The following LPCAT1 variants were observed in gnomAD, a reference collection of about 807,000 sequenced individuals.
LPCAT1 encodes the protein 1-acylglycerol-3-phosphate O-acyltransferase.
Under a neutral mutation model 60.9 loss-of-function variants are expected in LPCAT1, and 23 were observed. The ratio of observed to expected loss-of-function variants is 0.38; its 90% confidence interval spans 0.27 to 0.53. The LOEUF (loss-of-function observed/expected upper bound fraction) is 0.53, where lower values mean the gene tolerates loss of function less well. Ranked by LOEUF, LPCAT1 falls within the 20% of genes least tolerant of loss-of-function variation. LPCAT1 has a pLI of 0.82. For missense variants in LPCAT1, 622 were observed against 723.6 expected, an observed-to-expected ratio of 0.86 and a Z score of 1.61; for synonymous variants, 340 against 301.1, an observed-to-expected ratio of 1.13 and a Z score of -1.34.
In LPCAT1 at chr5:1,495,410, C is replaced by T. The variant is rs764549303; in HGVS notation, c.279-496G>A. On this transcript the variant is annotated intron_variant, in intron 2 of 13. Coordinates refer to ENST00000283415, the MANE Select transcript of LPCAT1 (RefSeq NM_024830.5). This position sits in a 1 kb window ranked among gnomAD's most constrained non-coding sequence, Gnocchi z 4.7. The stretch of plus-strand genomic sequence containing the variant: ...CCCCATCTCATCTCCACAGGAAGCC[C>T]GGGGTTCCCACAACCAGGCGTTGTG... Among the ~76,000 whole-genome samples the T allele has an allele frequency of 2.0e-5, 3 of 152,030 alleles. No individual in the cohort carries two copies. The highest frequency in any genetic ancestry group is 1.9e-4 in the East Asian group (1 of 5,192).
rs998342410 is a variant in LPCAT1, at chr5:1,523,410, G to A, written c.135+300C>T. The stretch of plus-strand genomic sequence containing the variant: ...GGTTGTGGGCCCGGTTCAGGGTGCA[G>A]GGGTCTGGGGGGAGGAGCAGAACGC... On this transcript the variant is annotated intron_variant, in intron 1 of 13. Transcript: ENST00000283415. This position sits in a 1 kb window ranked among gnomAD's most constrained non-coding sequence, Gnocchi z 7.1. Among the ~76,000 whole-genome samples, 3 of 151,784 alleles carry A rather than the reference G, an allele frequency of 2.0e-5. No individual in the cohort carries two copies. Among genetic ancestry groups the A allele is most frequent in the Admixed American group, 6.6e-5 (1 of 15,228 alleles).
At position 1,476,655 on chromosome 5, in the gene LPCAT1, G is replaced by T. The variant is rs1734931613; in HGVS notation, c.899+749C>A. Among the ~76,000 whole-genome samples the T allele has an allele frequency of 6.6e-6, 1 of 152,172 alleles. No homozygotes were observed. Among genetic ancestry groups the T allele is most frequent in the Admixed American group, 6.5e-5 (1 of 15,280 alleles). On this transcript the variant is annotated intron_variant, in intron 9 of 13. Transcript: ENST00000283415. This position sits in a 1 kb window ranked among gnomAD's most constrained non-coding sequence, Gnocchi z 8.6. ...GGTCTGGCAGCCGCCCGGTGGAGGG[G>T]AGGCTCTAGCTCCACTGGACAGAGC...
chr5:1,483,962 G>C lies in LPCAT1; in HGVS notation c.668-476C>G, dbSNP rs1434340105. 1.3e-5 allele frequency among the ~76,000 whole-genome samples: 2 copies of C among 151,972 alleles called. No homozygotes were observed. The highest frequency in any genetic ancestry group is 2.9e-5 in the Non-Finnish European group (2 of 67,950). ...CGCACCAGCTGGAAGGCGTTGGTGG[G>C]AAGTGGGGGTCCTCATCACCGGCCA... On this transcript the variant is annotated intron_variant, in intron 5 of 13. Coordinates refer to ENST00000283415, the MANE Select transcript of LPCAT1 (RefSeq NM_024830.5). The surrounding 1 kb of genome is among the most constrained non-coding windows in gnomAD (Gnocchi z 9.2).
intron 1 of LPCAT1, among the ~76,000 whole-genome samples, chr5:1,517,906 G>A (rs1019208686): frequency 2.0e-5 from 3 of 152,262 alleles, no homozygotes; most frequent in African/African-American, 7.2e-5. Context: ...CGAGGTCGGA[G>A]GGCTCAGGAG....
In LPCAT1 at chr5:1,463,817, G is replaced by C. The variant is rs144081179; in HGVS notation, c.1439C>G (p.Ala480Gly). 9.1e-4 allele frequency: 1,469 copies of C among 1,614,172 alleles called. No homozygotes were observed. Among genetic ancestry groups the C allele is most frequent in the Admixed American group, 1.4e-3 (85 of 60,018 alleles). The part of the protein sequence containing the change: ...KITFADFHRF[A>G]EMYPAFAEEY... Reference sequence around the variant, plus strand: ...CTCTGCGAAGGCAGGGTACATTTCTGCAAACCTGTGGAAGTCAGCTGGAAA... The same window carrying C: ...CTCTGCGAAGGCAGGGTACATTTCTCCAAACCTGTGGAAGTCAGCTGGAAA... Residue 480 changes from alanine (A) to glycine (G), a missense_variant, in exon 14 of 14, where the codon GCA becomes GGA. Physicochemically the swap from Ala to Gly is moderately conservative, Grantham distance 60. Transcript: ENST00000283415.
chr5:1,463,802 G>A lies in LPCAT1; in HGVS notation c.1454C>T (p.Ala485Val), dbSNP rs749688837. The change falls in exon 14 of 14, where the codon GCC (alanine) becomes GTC (valine). Residue 485 changes from alanine to valine, a missense_variant. This residue lies in a region of LPCAT1 where 288 missense variants were observed against 283.6 expected (regional missense o/e 1.02). Transcript: ENST00000283415. The stretch of plus-strand genomic sequence containing the variant: ...CGGGTACAGGTATTCCTCTGCGAAG[G>A]CAGGGTACATTTCTGCAAACCTGTG... ...DFHRFAEMYP[A>V]FAEEYLYPDQ... 2 of 1,614,246 alleles carry A rather than the reference G, an allele frequency of 1.2e-6. No individual in the cohort carries two copies. Among genetic ancestry groups the A allele is most frequent in the Non-Finnish European group, 8.5e-7 (1 of 1,180,040 alleles).
At chr5:1,512,095 A>G (rs758585059) in intron 1 of LPCAT1, among the ~76,000 whole-genome samples, 4 of 152,204 alleles carry the variant, frequency 2.6e-5, no homozygotes, top group African/African-American at 9.7e-5. Context: ...CAGAGGGCGT[A>G]CCACACTTAG....
intron 13 of LPCAT1, among the ~76,000 whole-genome samples, chr5:1,465,547 CTA>C (rs1165123535): frequency 6.6e-6 from 1 of 150,656 alleles, no homozygotes; most frequent in East Asian, 2.0e-4. Flanking sequence ...CACACAGCAA[CTA>C]AACACACATG....
At position 1,487,679 on chromosome 5, in the gene LPCAT1, C is replaced by T. The variant is rs1735421913; in HGVS notation, c.667+712G>A. Reference sequence around the variant, plus strand: ...GTGACTCTGATCCAACCACAGAGAACAGGTCTGCATGCCCCAGTATGGACA... The same window carrying T: ...GTGACTCTGATCCAACCACAGAGAATAGGTCTGCATGCCCCAGTATGGACA... On this transcript the variant is annotated intron_variant, in intron 5 of 13. Coordinates refer to ENST00000283415, the MANE Select transcript of LPCAT1 (RefSeq NM_024830.5). The surrounding 1 kb of genome is among the most constrained non-coding windows in gnomAD (Gnocchi z 6.1). Among the ~76,000 whole-genome samples, 1 of 152,154 alleles carries T rather than the reference C, an allele frequency of 6.6e-6. No individual in the cohort carries two copies. The highest frequency in any genetic ancestry group is 1.5e-5 in the Non-Finnish European group (1 of 68,042).
At position 1,481,974 on chromosome 5, in the gene LPCAT1, C is replaced by T. The variant is rs1310845661; in HGVS notation, c.727-998G>A. Among the ~76,000 whole-genome samples, 2 of 152,248 alleles carry T rather than the reference C, an allele frequency of 1.3e-5. No homozygotes were observed. Among genetic ancestry groups the T allele is most frequent in the African/African-American group, 4.8e-5 (2 of 41,466 alleles). On this transcript the variant is annotated intron_variant, in intron 6 of 13. Transcript: ENST00000283415. This position sits in a 1 kb window ranked among gnomAD's most constrained non-coding sequence, Gnocchi z 7.8. The stretch of plus-strand genomic sequence containing the variant: ...CCCAGAGGTCACCTGTATTTCTGCC[C>T]CACTATGTCCTGACCCACGGGGGTT...
intron 1 of LPCAT1, among the ~76,000 whole-genome samples, chr5:1,520,657 G>A (rs1284081864): frequency 6.6e-6 from 1 of 152,070 alleles, no homozygotes; most frequent in Non-Finnish European, 1.5e-5. Context: ...TCAGGAGATC[G>A]AGACCATCCT....
chr5:1,473,160 A>G (rs996208218), intron 11 of LPCAT1, among the ~76,000 whole-genome samples: 1 of 152,060 alleles, frequency 6.6e-6, no homozygotes, highest in African/African-American at 2.4e-5. Flanking sequence ...CCAGGACTGC[A>G]CTGCAGCTGC....
At position 1,462,375 on chromosome 5, in the gene LPCAT1, T is replaced by C. The variant is rs533994620; in HGVS notation, c.*1276A>G. 1 of 152,536 alleles carries C rather than the reference T, an allele frequency of 6.6e-6. No individual in the cohort carries two copies. Among genetic ancestry groups the C allele is most frequent in the Admixed American group, 6.5e-5 (1 of 15,284 alleles). 9.4% of individuals were successfully genotyped at this position (152,536 alleles called of 1,614,324 possible). A position where few individuals can be genotyped will look rare whatever the true frequency, so the allele number is the denominator to read the frequency against. On this transcript the variant is annotated 3_prime_UTR_variant, in exon 14 of 14. Coordinates refer to ENST00000283415, the MANE Select transcript of LPCAT1 (RefSeq NM_024830.5). ...CTTCAGGTGACACCAAAATACCCCA[T>C]CCAGGGCCTGGAAGCCCCTCTGCCT...
rs1309514988 is a variant in LPCAT1, at chr5:1,522,429, G to A, written c.135+1281C>T. ...AGGGGCCGGCACCGCCCCAGCCCCA[G>A]AGTCCAGCTCCCGACACACAGGGAG... On this transcript the variant is annotated intron_variant, in intron 1 of 13. Transcript: ENST00000283415. The surrounding 1 kb of genome is among the most constrained non-coding windows in gnomAD (Gnocchi z 6.8). 6.6e-6 allele frequency among the ~76,000 whole-genome samples: 1 copy of A among 152,144 alleles called. No homozygotes were observed. The highest frequency in any genetic ancestry group is 1.5e-5 in the Non-Finnish European group (1 of 68,014).
chr5:1,476,633 C>T lies in LPCAT1; in HGVS notation c.899+771G>A, dbSNP rs1010000751. Among the ~76,000 whole-genome samples the T allele has an allele frequency of 2.6e-5, 4 of 152,162 alleles. No individual in the cohort carries two copies. The highest frequency in any genetic ancestry group is 5.9e-5 in the Non-Finnish European group (4 of 68,026). Reference sequence around the variant, plus strand: ...TCCAAGTGGCTCCTGCAGCTCAGGTCTGGCAGCCGCCCGGTGGAGGGGAGG... The same window carrying T: ...TCCAAGTGGCTCCTGCAGCTCAGGTTTGGCAGCCGCCCGGTGGAGGGGAGG... On this transcript the variant is annotated intron_variant, in intron 9 of 13. Coordinates refer to ENST00000283415, the MANE Select transcript of LPCAT1 (RefSeq NM_024830.5). This position sits in a 1 kb window ranked among gnomAD's most constrained non-coding sequence, Gnocchi z 8.6.
At chr5:1,500,216 C>T (rs1735954989) in intron 2 of LPCAT1, among the ~76,000 whole-genome samples, 1 of 152,236 alleles carries the variant, frequency 6.6e-6, no homozygotes, top group Admixed American at 6.5e-5. Context: ...GTTAACAACA[C>T]ATGGAAGGGT....
rs190500897 is a variant in LPCAT1, at chr5:1,515,744, C to T, written c.135+7966G>A. On this transcript the variant is annotated intron_variant, in intron 1 of 13. Transcript: ENST00000283415. ...CTACGGGCAAATACAGGGGGCCCCC[C>T]GGAACATCCTGGCTCACCCCCACTC... Among the ~76,000 whole-genome samples the T allele has an allele frequency of 3.4e-3, 513 of 152,252 alleles. 6 individuals carry two copies. The highest frequency in any genetic ancestry group is 0.012 in the African/African-American group (491 of 41,536).
At position 1,501,445 on chromosome 5, in the gene LPCAT1, C is replaced by T. The variant is rs753320337; in HGVS notation, c.278+16G>A. ...ACCCCCCCCCAGGAGGAGAGCACGG[C>T]ACACGCGCAACTTACTTCCTCCACA... On this transcript the variant is annotated intron_variant, in intron 2 of 13. Transcript: ENST00000283415. The T allele has an allele frequency of 8.7e-6, 14 of 1,600,356 alleles. No individual in the cohort carries two copies. In the African/African-American group the frequency reaches 1.3e-4, roughly 15 times the overall value.
rs143363636 is a variant in LPCAT1 at position 1,496,606 on chromosome 5, C to T, written c.279-1692G>A. ...AGGAAAAAAGGGATTAAAACCCGGG[C>T]GGCCCTTAGAGGAACACACCTGCCA... On this transcript the variant is annotated intron_variant, in intron 2 of 13. Coordinates refer to ENST00000283415, the MANE Select transcript of LPCAT1 (RefSeq NM_024830.5). The surrounding 1 kb of genome is among the most constrained non-coding windows in gnomAD (Gnocchi z 4.7). 6.8e-3 allele frequency among the ~76,000 whole-genome samples: 1,040 copies of T among 152,082 alleles called. 11 individuals carry two copies. Among genetic ancestry groups the T allele is most frequent in the African/African-American group, 0.023 (969 of 41,470 alleles).
Sources: gnomAD v4.1 joint callset for allele counts (sites outside exome capture counted in the v4.1 genomes callset) on GRCh38, gnomAD v4.1.1 for gene constraint, gnomAD v4.1.1 regional missense constraint, Gnocchi (gnomAD v3.1) non-coding constraint, MANE v1.5 for transcripts, NCBI Gene and HGNC (gene_info 2026-07-23, HGNC 2026-07-21) for gene names.